RGPD4: variants seen among roughly 807,000 people sequenced by gnomAD.
RGPD4 encodes RANBP2 like and GRIP domain containing 4.
A neutral mutation model predicts 141.1 loss-of-function variants in RGPD4; 84 were observed. That is an observed-to-expected ratio of 0.60 (90% CI 0.50 to 0.71). RGPD4 has a LOEUF of 0.71. Ranked by LOEUF, RGPD4 falls within the 30% of genes least tolerant of loss-of-function variation. The pLI is 0.00. For missense variants in RGPD4, 918 were observed against 1,622.4 expected (o/e 0.57, Z 7.46); for synonymous variants, 298 against 566.8 (o/e 0.53, Z 6.74).
At chr2:107,857,115 G>A (rs1228190120) in intron 9 of RGPD4, 146 bp downstream of exon 9, 1 of 257,798 alleles carries the variant, frequency 3.9e-6, no homozygotes, top group Non-Finnish European at 7.2e-6. Context: ...ATGTGGTGCT[G>A]TGGGGGTGGC....
chr2:107,866,887 T>G (rs1682745731), intron 18 of RGPD4, among the ~76,000 whole-genome samples: 1 of 149,240 alleles, frequency 6.7e-6, no homozygotes, highest in Admixed American at 6.7e-5. Context: ...CATTTGTGTA[T>G]GTGCAGGTGG....
intron 7 of RGPD4, among the ~76,000 whole-genome samples, chr2:107,849,490 C>T (rs1359594996): frequency 1.7e-5 from 2 of 117,824 alleles, no homozygotes; most frequent in African/African-American, 6.9e-5. Context: ...CCTCAGCCTC[C>T]TGAGTAGCTG....
intron 2 of RGPD4, 31 bp downstream of exon 2, chr2:107,836,700 T>A (rs1301044645): frequency 2.1e-6 from 3 of 1,396,086 alleles, no homozygotes; most frequent in Non-Finnish European, 2.9e-6. Flanking sequence ...GTATTCTTTT[T>A]TTAAAATCAA....
At chr2:107,883,300 A>G (rs1484358928) in intron 22 of RGPD4, 1 of 354,872 alleles carries the variant, frequency 2.8e-6, no homozygotes, top group Non-Finnish European at 5.6e-6. Flanking sequence ...CTTGGTCTAT[A>G]TACAGCAGTC....
chr2:107,845,606 T>A (rs1343332893), intron 6 of RGPD4, among the ~76,000 whole-genome samples: 1 of 152,258 alleles, frequency 6.6e-6, no homozygotes, highest in Non-Finnish European at 1.5e-5. Context: ...GTTTGTCAGA[T>A]CAGTTAATCA....
chr2:107,863,642 G>A (rs1250379845), intron 17 of RGPD4, among the ~76,000 whole-genome samples: 5 of 151,566 alleles, frequency 3.3e-5, no homozygotes, highest in African/African-American at 9.8e-5. Flanking sequence ...ACAGGCACCC[G>A]CCACCAGGCC....
Position 107,890,705 on chromosome 2 carries a change from G to A in RGPD4, c.5267-16G>A, listed in dbSNP as rs572846369. ...ATACTCTCTTTTTTCTTTTTTTTTT[G>A]TTTTACTTTCCAAAGGTGAGGAATA... is the stretch of plus-strand genomic sequence containing the variant. On this transcript the variant is annotated splice_polypyrimidine_tract_variant and intron_variant, in intron 22 of 22. Coordinates refer to ENST00000408999, the MANE Select transcript of RGPD4 (RefSeq NM_182588.3). The A allele has an allele frequency of 6.4e-5, 98 of 1,521,422 alleles. No homozygotes were observed. The African/African-American group carries it at 1.4e-3, about 22-fold the overall frequency. The allele number at this position is 1,521,422 out of a possible 1,614,324, so 94.2% of individuals were successfully genotyped here.
chr2:107,859,344 T>G, intron 10 of RGPD4, 35 bp from the exon 11 acceptor site: 1 of 1,597,108 alleles, frequency 6.3e-7, no homozygotes, highest in South Asian at 1.1e-5. Flanking sequence ...TGTTTAATTT[T>G]TTTTTCTAAC....
intron 1 of RGPD4, among the ~76,000 whole-genome samples, chr2:107,831,523 T>C (rs998726751): frequency 3.3e-5 from 5 of 149,812 alleles, no homozygotes; most frequent in Non-Finnish European, 7.4e-5. Flanking sequence ...ACTTTTGTTA[T>C]TTTTAATTCC....
At chr2:107,827,695 GGC>G (rs1354548180) in intron 1 of RGPD4, among the ~76,000 whole-genome samples, 1 of 63,488 alleles carries the variant, frequency 1.6e-5, no homozygotes, top group Non-Finnish European at 3.3e-5. Flanking sequence ...CTGGCTGGGC[GGC>G]GGCGGCCTGG....
In RGPD4 at chr2:107,844,351, A is replaced by G. The variant is rs1216196216; in HGVS notation, c.782+621A>G. ...TGTGGGCCAAATATGGCCCCTGCCT[A>G]ATTTTGTTAATATTTATTGGAATGC... is the stretch of plus-strand genomic sequence containing the variant. On this transcript the variant is annotated intron_variant, in intron 6 of 22. Transcript: ENST00000408999. Among the ~76,000 whole-genome samples the G allele has an allele frequency of 3.9e-5, 6 of 152,106 alleles. No individual in the cohort carries two copies. In the East Asian group the frequency reaches 1.2e-3, roughly 30 times the overall value.
chr2:107,857,743 G>A (rs932971781), intron 9 of RGPD4, among the ~76,000 whole-genome samples: 4 of 151,676 alleles, frequency 2.6e-5, no homozygotes, highest in Non-Finnish European at 4.4e-5. Context: ...TGTAATCCCA[G>A]CACTTTGGGA....
At chr2:107,878,554 G>T (rs991942523) in intron 20 of RGPD4, among the ~76,000 whole-genome samples, 5 of 150,616 alleles carry the variant, frequency 3.3e-5, no homozygotes, top group East Asian at 2.0e-4. Flanking sequence ...TTACTCTAAG[G>T]TACATATGCT....
rs1479368788 is a variant in RGPD4 at position 107,827,006 on chromosome 2, G to C, written c.-8G>C. ...TTCACGCGTCTCGGGAGCCAGGTTGGTGGCGCGATGAGTTGCAGCAAGGCC... is the reference window on the plus strand; with the variant it reads ...TTCACGCGTCTCGGGAGCCAGGTTGCTGGCGCGATGAGTTGCAGCAAGGCC... On this transcript the variant is annotated 5_prime_UTR_variant, in exon 1 of 23. Transcript: ENST00000408999. The C allele has an allele frequency of 1.3e-6, 2 of 1,597,252 alleles. No homozygotes were observed. Among genetic ancestry groups the C allele is most frequent in the Admixed American group, 3.4e-5 (2 of 58,040 alleles).
chr2:107,880,262 T>TTA lies in RGPD4; in HGVS notation c.5064+156_5064+157insAT, dbSNP rs1222549235. Reference sequence around the variant, plus strand: ...TCCTGATGGTGAGAAATATTGCCTTTTTTTTTTTTTTTTTTTTTTTTGAGA... The same window carrying TTA: ...TCCTGATGGTGAGAAATATTGCCTTTTATTTTTTTTTTTTTTTTTTTTTGAGA... On this transcript the variant is annotated intron_variant, in intron 21 of 22. Transcript: ENST00000408999. 4.1e-4 allele frequency among the ~76,000 whole-genome samples: 50 copies of TTA among 120,730 alleles called. 2 individuals are homozygous for TTA. Among genetic ancestry groups the TTA allele is most frequent in the Admixed American group, 1.7e-3 (20 of 11,896 alleles). 79.2% of individuals were successfully genotyped at this position (120,730 alleles called of 152,430 possible).
chr2:107,872,761 G>T lies in RGPD4; in HGVS notation c.4757G>T (p.Ser1586Ile), dbSNP rs1682977510. 1 of 1,611,398 alleles carries T rather than the reference G, an allele frequency of 6.2e-7. No homozygotes were observed. Among genetic ancestry groups the T allele is most frequent in the African/African-American group, 1.3e-5 (1 of 74,430 alleles). ...TTGAAAAGTAACAACAGTGAAACTA[G>T]TTCAGTAGCCCAGAGTGGATCTGAA... ...ASLKSNNSET[S>I]SVAQSGSESK... The change falls in exon 20 of 23, where the codon AGT (serine) becomes ATT (isoleucine). Residue 1586 changes from serine to isoleucine, a missense_variant. Ser to Ile is a moderately radical substitution (Grantham distance 142). Coordinates refer to ENST00000408999, the MANE Select transcript of RGPD4 (RefSeq NM_182588.3).
At chr2:107,879,536 C>T (rs1160391147) in intron 20 of RGPD4, among the ~76,000 whole-genome samples, 1 of 81,708 alleles carries the variant, frequency 1.2e-5, no homozygotes, top group Non-Finnish European at 2.5e-5. Flanking sequence ...CCTGTTTCAT[C>T]GTCTGTAAAG....
chr2:107,885,124 T>C (rs553417506), intron 22 of RGPD4, among the ~76,000 whole-genome samples: 1 of 152,186 alleles, frequency 6.6e-6, no homozygotes, highest in Admixed American at 6.5e-5. Flanking sequence ...ATCATGTATA[T>C]TTTTAGTAGT....
At chr2:107,885,416 G>C (rs1014889697) in intron 22 of RGPD4, among the ~76,000 whole-genome samples, 1 of 152,094 alleles carries the variant, frequency 6.6e-6, no homozygotes, top group Non-Finnish European at 1.5e-5. Context: ...TCTTTTAAAA[G>C]CTCAGCATGT....
Sources: allele counts gnomAD v4.1 joint callset (sites outside exome capture counted in the v4.1 genomes callset), GRCh38; gene constraint gnomAD v4.1.1; transcripts MANE v1.5; gene names NCBI Gene and HGNC (gene_info 2026-07-23, HGNC 2026-07-21).